The following SLC44A3 variants were observed in gnomAD, a reference collection of about 807,000 sequenced individuals.
SLC44A3 encodes the protein solute carrier family 44 member 3.
In SLC44A3, 74 loss-of-function variants were observed where a neutral mutation model predicts 75.4. The ratio of observed to expected loss-of-function variants is 0.98; its 90% CI spans 0.81 to 1.19. The LOEUF is 1.19. Among genes scored for constraint, SLC44A3 ranks in the 50% most tolerant of loss-of-function variants. The pLI is 0.00. For synonymous variants in SLC44A3, 310 were observed against 296.9 expected, an observed-to-expected ratio of 1.04 and a Z score of -0.45; for missense variants, 700 against 778.6, an observed-to-expected ratio of 0.90 and a Z score of 1.20.
intron 10 of SLC44A3, among the ~76,000 whole-genome samples, chr1:94,864,533 T>C (rs1045163074): frequency 1.3e-5 from 2 of 152,176 alleles, no homozygotes; most frequent in Admixed American, 1.3e-4. Flanking sequence ...ATTTTTTCTG[T>C]TTTATTTGTA....
At chr1:94,865,295 A>G (rs747369984) in intron 11 of SLC44A3, among the ~76,000 whole-genome samples, 1 of 152,106 alleles carries the variant, frequency 6.6e-6, no homozygotes, top group Non-Finnish European at 1.5e-5. Context: ...TAGGAATAAT[A>G]TTTGTTCATT....
chr1:94,833,696 T>C (rs1384592644), intron 5 of SLC44A3, among the ~76,000 whole-genome samples: 1 of 152,136 alleles, frequency 6.6e-6, no homozygotes, highest in East Asian at 1.9e-4. Context: ...CTCTGAGTTT[T>C]CCATGAAACC....
intron 9 of SLC44A3, among the ~76,000 whole-genome samples, chr1:94,852,416 C>T (rs1448142769): frequency 3.9e-5 from 6 of 152,148 alleles, no homozygotes; most frequent in Non-Finnish European, 8.8e-5. Context: ...CAAGGGGAAA[C>T]ATCCCAGGCA....
In SLC44A3 at chr1:94,820,362, C is replaced by A; in HGVS notation, c.-90C>A. Reference sequence around the variant, plus strand: ...CCAGCCCCAGCCCCAGCCCCAGCCCCGGCCCCGGCCCCGGCTCGCGGGCGC... The same window carrying A: ...CCAGCCCCAGCCCCAGCCCCAGCCCAGGCCCCGGCCCCGGCTCGCGGGCGC... On this transcript the variant is annotated 5_prime_UTR_variant, in exon 1 of 15. Coordinates refer to ENST00000271227, the MANE Select transcript of SLC44A3 (RefSeq NM_001114106.3). The A allele has an allele frequency of 7.6e-7, 1 of 1,318,100 alleles. No individual in the cohort carries two copies. The highest frequency in any genetic ancestry group is 9.7e-7 in the Non-Finnish European group (1 of 1,035,050). 81.7% of individuals were successfully genotyped at this position (1,318,100 alleles called of 1,614,324 possible).
At position 94,820,364 on chromosome 1, in the gene SLC44A3, GC is replaced by G; in HGVS notation, c.-84del. On this transcript the variant is annotated 5_prime_UTR_variant, in exon 1 of 15. Coordinates refer to ENST00000271227, the MANE Select transcript of SLC44A3 (RefSeq NM_001114106.3). The stretch of plus-strand genomic sequence containing the variant: ...AGCCCCAGCCCCAGCCCCAGCCCCG[GC>G]CCCGGCCCCGGCTCGCGGGCGCTGC... The G allele has an allele frequency of 5.3e-6, 7 of 1,330,934 alleles. No homozygotes were observed. The South Asian group carries it at 8.9e-5, about 17-fold the overall frequency. 82.4% of individuals were successfully genotyped at this position (1,330,934 alleles called of 1,614,324 possible). A position where few individuals can be genotyped will look rare whatever the true frequency, so the allele number is the denominator to read the frequency against.
chr1:94,837,879 TCA>T lies in SLC44A3; in HGVS notation c.670+9_670+10del. On this transcript the variant is annotated intron_variant, in intron 6 of 14. Coordinates refer to ENST00000271227, the MANE Select transcript of SLC44A3 (RefSeq NM_001114106.3). Reference sequence around the variant, plus strand: ...TGTGTATCCTCGCATTAGGTAATTCTCAGTTAAGTTAATTTTAATAGTTGTTT... The same window carrying T: ...TGTGTATCCTCGCATTAGGTAATTCTGTTAAGTTAATTTTAATAGTTGTTT... 1 of 1,582,512 alleles carries T rather than the reference TCA, an allele frequency of 6.3e-7. No individual in the cohort carries two copies. Among genetic ancestry groups the T allele is most frequent in the Non-Finnish European group, 8.6e-7 (1 of 1,166,956 alleles).
chr1:94,835,522 C>T (rs1662664233), intron 5 of SLC44A3, among the ~76,000 whole-genome samples: 1 of 152,172 alleles, frequency 6.6e-6, no homozygotes, highest in Admixed American at 6.5e-5. Context: ...GAACCCTCCA[C>T]CATCGTTACA....
At chr1:94,871,023 G>T (rs1278829522) in intron 12 of SLC44A3, among the ~76,000 whole-genome samples, 1 of 152,202 alleles carries the variant, frequency 6.6e-6, no homozygotes, top group Non-Finnish European at 1.5e-5. Context: ...TACAGATAGG[G>T]AGATTGAGGC....
chr1:94,828,180 C>T (rs1661632224), intron 4 of SLC44A3, among the ~76,000 whole-genome samples: 1 of 152,112 alleles, frequency 6.6e-6, no homozygotes, highest in Non-Finnish European at 1.5e-5. Context: ...AAATGGTTTG[C>T]CAGATTTTTA....
chr1:94,820,357 A>AGCCCCG lies in SLC44A3; in HGVS notation c.-80_-75dup, dbSNP rs1475051392. 423 of 1,123,256 alleles carry AGCCCCG rather than the reference A, an allele frequency of 3.8e-4. No individual in the cohort carries two copies. The African/African-American group carries it at 4.5e-3, about 12-fold the overall frequency. The allele number at this position is 1,123,256 out of a possible 1,614,324, so 69.6% of individuals were successfully genotyped here. On this transcript the variant is annotated 5_prime_UTR_variant, in exon 1 of 15. Coordinates refer to ENST00000271227, the MANE Select transcript of SLC44A3 (RefSeq NM_001114106.3). ...CGGCTCCAGCCCCAGCCCCAGCCCCAGCCCCGGCCCCGGCCCCGGCTCGCG... is the reference window on the plus strand; with the variant it reads ...CGGCTCCAGCCCCAGCCCCAGCCCCAGCCCCGGCCCCGGCCCCGGCCCCGGCTCGCG...
chr1:94,863,293 C>G (rs1389341725), intron 10 of SLC44A3, among the ~76,000 whole-genome samples: 1 of 152,144 alleles, frequency 6.6e-6, no homozygotes, highest in East Asian at 1.9e-4. Context: ...AGTGCAGGTA[C>G]TCCTCTGCCT....
In SLC44A3 at chr1:94,873,199, A is replaced by G. The variant is rs116514415; in HGVS notation, c.1482+5782A>G. ...TTTCTGCCTTGGGCTATCATGCAAGATAGCTGCGAGCCTGATGGATCTGTG... is the reference window on the plus strand; with the variant it reads ...TTTCTGCCTTGGGCTATCATGCAAGGTAGCTGCGAGCCTGATGGATCTGTG... On this transcript the variant is annotated intron_variant, in intron 12 of 14. Transcript: ENST00000271227. Among the ~76,000 whole-genome samples the G allele has an allele frequency of 5.0e-3, 763 of 152,316 alleles. 11 individuals carry two copies. The highest frequency in any genetic ancestry group is 0.017 in the African/African-American group (727 of 41,574).
intron 9 of SLC44A3, among the ~76,000 whole-genome samples, chr1:94,852,925 G>A (rs1290232247): frequency 6.6e-6 from 1 of 152,226 alleles, no homozygotes; most frequent in African/African-American, 2.4e-5. Context: ...TAATTGAAAT[G>A]TCTTTTAGAC....
In SLC44A3 at chr1:94,824,630, A is replaced by T. The variant is rs2100914556; in HGVS notation, c.273A>T (p.Leu91=). The change falls in exon 3 of 15, where the codon CTA becomes CTT. Residue 91 remains leucine, a synonymous_variant. Coordinates refer to ENST00000271227, the MANE Select transcript of SLC44A3 (RefSeq NM_001114106.3). ...GAPLSGQDMT[L]KKHVFFMNSC... is the part of the protein sequence containing the mutation. ...CTCTTTCAGGGCAGGACATGACCCTAAAAAAGTAAGTATCTAAATAAGTCC... is the reference window on the plus strand; with the variant it reads ...CTCTTTCAGGGCAGGACATGACCCTTAAAAAGTAAGTATCTAAATAAGTCC... The T allele has an allele frequency of 6.3e-7, 1 of 1,579,164 alleles. No homozygotes were observed. The highest frequency in any genetic ancestry group is 1.4e-5 in the African/African-American group (1 of 72,858).
chr1:94,878,800 T>C (rs1186718903), intron 12 of SLC44A3, among the ~76,000 whole-genome samples: 1 of 152,178 alleles, frequency 6.6e-6, no homozygotes, highest in East Asian at 1.9e-4. Context: ...GGCCAAATGA[T>C]TTTTGGCAAA....
chr1:94,878,038 T>C (rs1369016949), intron 12 of SLC44A3, among the ~76,000 whole-genome samples: 1 of 151,892 alleles, frequency 6.6e-6, no homozygotes, highest in Non-Finnish European at 1.5e-5. Context: ...ATCGAGACCA[T>C]CCTGGCTAAC....
chr1:94,823,532 G>A (rs1660901889), intron 2 of SLC44A3, among the ~76,000 whole-genome samples: 1 of 152,204 alleles, frequency 6.6e-6, no homozygotes, highest in Admixed American at 6.5e-5. Flanking sequence ...GGTCATTCCT[G>A]TGTCTCCCAG....
At position 94,845,382 on chromosome 1, in the gene SLC44A3, G is replaced by C. The variant is rs745445603; in HGVS notation, c.990G>C (p.Leu330=). ...CCATCAGCAGTGCTCCCTTCCTGCTGTTCCAGCCACTGTGGACATTTGCCA... is the reference window on the plus strand; with the variant it reads ...CCATCAGCAGTGCTCCCTTCCTGCTCTTCCAGCCACTGTGGACATTTGCCA... The part of the protein sequence containing the change: ...NKAISSAPFL[L]FQPLWTFAIL... Residue 330 remains leucine, a synonymous_variant, in exon 9 of 15, where the codon CTG becomes CTC. Transcript: ENST00000271227. 1 of 1,614,110 alleles carries C rather than the reference G, an allele frequency of 6.2e-7. No homozygotes were observed. The highest frequency in any genetic ancestry group is 1.7e-5 in the Admixed American group (1 of 60,006).
chr1:94,836,005 C>A (rs1662734823), intron 5 of SLC44A3, among the ~76,000 whole-genome samples: 1 of 152,222 alleles, frequency 6.6e-6, no homozygotes, highest in Non-Finnish European at 1.5e-5. Context: ...TCCAGTGACT[C>A]AGGAACTGTT....
Sources: gnomAD v4.1 joint callset for allele counts (sites outside exome capture counted in the v4.1 genomes callset) on GRCh38, gnomAD v4.1.1 for gene constraint, MANE v1.5 for transcripts, NCBI Gene and HGNC (gene_info 2026-07-23, HGNC 2026-07-21) for gene names.